The following SPHKAP variants were observed in gnomAD, a reference collection of about 807,000 sequenced individuals.
SPHKAP encodes A-kinase anchor protein SPHKAP.
SPHKAP carries 67 observed loss-of-function variants against 137.5 expected under a neutral mutation model. That is an observed-to-expected ratio of 0.49 (90% CI 0.40 to 0.60). SPHKAP has a LOEUF of 0.60. Ranked by LOEUF, SPHKAP falls within the 20% of genes least tolerant of loss-of-function variation. The pLI is 0.00. For missense variants in SPHKAP, 2,097 were observed against 2,069.3 expected (o/e 1.01, Z -0.26); for synonymous variants, 813 against 785.3 (o/e 1.04, Z -0.59).
intron 3 of SPHKAP, among the ~76,000 whole-genome samples, chr2:228,029,573 A>G (rs545580114): frequency 1.3e-5 from 2 of 152,298 alleles, no homozygotes; most frequent in East Asian, 1.9e-4. Context: ...CCACACTCCC[A>G]TTCAGAAGTT....
intron 3 of SPHKAP, among the ~76,000 whole-genome samples, chr2:228,052,819 T>C (rs1436002294): frequency 2.0e-5 from 3 of 152,190 alleles, no homozygotes; most frequent in South Asian, 4.1e-4. Flanking sequence ...TCCTTTGTTA[T>C]ACATTTATAT....
At chr2:228,134,847 T>A (rs1699383275) in intron 1 of SPHKAP, among the ~76,000 whole-genome samples, 1 of 152,150 alleles carries the variant, frequency 6.6e-6, no homozygotes, top group Admixed American at 6.5e-5. Context: ...ATCCCTGGAC[T>A]TATGCCCAGT....
intron 1 of SPHKAP, among the ~76,000 whole-genome samples, chr2:228,158,231 A>C (rs1349906155): frequency 1.3e-5 from 2 of 152,068 alleles, no homozygotes; most frequent in Non-Finnish European, 2.9e-5. Flanking sequence ...CACTATCTGC[A>C]TTCTTTACCC....
chr2:228,104,239 TTATATTA>T (rs1698264562), intron 3 of SPHKAP, among the ~76,000 whole-genome samples: 1 of 140,146 alleles, frequency 7.1e-6, no homozygotes, highest in Non-Finnish European at 1.5e-5. Context: ...TGTTATATCA[TTATATTA>T]TATATTATAT....
intron 3 of SPHKAP, among the ~76,000 whole-genome samples, chr2:228,057,670 T>C (rs1696494097): frequency 6.6e-6 from 1 of 152,026 alleles, no homozygotes; most frequent in African/African-American, 2.4e-5. Flanking sequence ...TGCCAAGGCT[T>C]TGTGGCAAGA....
intron 3 of SPHKAP, among the ~76,000 whole-genome samples, chr2:228,077,158 G>T (rs1017725152): frequency 6.6e-6 from 1 of 152,146 alleles, no homozygotes; most frequent in Non-Finnish European, 1.5e-5. Flanking sequence ...TCAGATGTAT[G>T]TTTGCTGTAG....
chr2:228,181,456 C>A lies in SPHKAP; in HGVS notation c.32+111G>T. ...AAGTGCAGTGACCCCTGTCTCCTCG[C>A]TGGGAGCCCCGTGCAAACCGAAGCG... On this transcript the variant is annotated intron_variant, in intron 1 of 11. Coordinates refer to ENST00000392056, the MANE Select transcript of SPHKAP (RefSeq NM_001142644.2). The surrounding 1 kb of genome is among the most constrained non-coding windows in gnomAD (Gnocchi z 4.3). The A allele has an allele frequency of 1.4e-6, 2 of 1,469,724 alleles. No individual in the cohort carries two copies. Among genetic ancestry groups the A allele is most frequent in the South Asian group, 2.3e-5 (2 of 88,118 alleles). The allele number at this position is 1,469,724 out of a possible 1,614,324, so 91.0% of individuals were successfully genotyped here. A position where few individuals can be genotyped will look rare whatever the true frequency, so the allele number is the denominator to read the frequency against.
intron 7 of SPHKAP, among the ~76,000 whole-genome samples, chr2:228,013,302 A>G (rs1423629623): frequency 1.3e-5 from 2 of 152,168 alleles, no homozygotes; most frequent in African/African-American, 2.4e-5. Context: ...CCCAGGCTGG[A>G]GTGCAGAGGC....
intron 3 of SPHKAP, among the ~76,000 whole-genome samples, chr2:228,092,335 G>A (rs1697799168): frequency 1.7e-5 from 2 of 115,320 alleles, no homozygotes; most frequent in African/African-American, 6.4e-5. Flanking sequence ...ACACACACAC[G>A]TGTATGTGTG....
intron 1 of SPHKAP, among the ~76,000 whole-genome samples, chr2:228,154,441 ATTAC>A (rs1461619366): frequency 1.5e-5 from 2 of 137,636 alleles, no homozygotes; most frequent in Non-Finnish European, 3.0e-5. Context: ...AATAGTCAAT[ATTAC>A]TTATTAAATT....
At chr2:228,040,504 T>A (rs1695793513) in intron 3 of SPHKAP, among the ~76,000 whole-genome samples, 1 of 152,232 alleles carries the variant, frequency 6.6e-6, no homozygotes, top group Non-Finnish European at 1.5e-5. Flanking sequence ...GTCATTGCTT[T>A]GAAGTGATTG....
At chr2:228,001,411 A>T (rs1693872090) in intron 7 of SPHKAP, among the ~76,000 whole-genome samples, 1 of 141,348 alleles carries the variant, frequency 7.1e-6, no homozygotes, top group Admixed American at 7.5e-5. Context: ...ATACATAAAT[A>T]TATATAAATA....
At chr2:228,045,491 C>G (rs4571050) in intron 3 of SPHKAP, among the ~76,000 whole-genome samples, 1 of 149,948 alleles carries the variant, frequency 6.7e-6, no homozygotes, top group Non-Finnish European at 1.5e-5. Flanking sequence ...AGCAAACTAT[C>G]GCAAGGACAA....
chr2:228,025,449 A>G lies in SPHKAP; in HGVS notation c.386T>C (p.Val129Ala), dbSNP rs1383420082. 18 of 1,613,818 alleles carry G rather than the reference A, an allele frequency of 1.1e-5. No individual in the cohort carries two copies. The highest frequency in any genetic ancestry group is 1.5e-5 in the Non-Finnish European group (18 of 1,179,932). The stretch of plus-strand genomic sequence containing the variant: ...TCCAGAGGCTAACCCACTTAGGACA[A>G]CAATTTCATTTTCTTTTGGTTGTTG... ...NVQQPKENEI[V>A]VLSGLASGNL... The change falls in exon 5 of 12, where the codon GTT (valine) becomes GCT (alanine). Residue 129 changes from valine to alanine, a missense_variant. Transcript: ENST00000392056.
At chr2:228,158,487 C>A (rs915001229) in intron 1 of SPHKAP, among the ~76,000 whole-genome samples, 1 of 151,990 alleles carries the variant, frequency 6.6e-6, no homozygotes, top group Non-Finnish European at 1.5e-5. Flanking sequence ...TATGAAAGGT[C>A]AAAGTCTGAG....
chr2:228,058,232 A>AT (rs1247825984), intron 3 of SPHKAP, among the ~76,000 whole-genome samples: 1 of 152,032 alleles, frequency 6.6e-6, no homozygotes, highest in Non-Finnish European at 1.5e-5. Context: ...TCAAGCTTCC[A>AT]TTTTTTTGGC....
chr2:228,161,647 C>T (rs1022216629), intron 1 of SPHKAP, among the ~76,000 whole-genome samples: 2 of 151,872 alleles, frequency 1.3e-5, no homozygotes, highest in Non-Finnish European at 2.9e-5. Context: ...CCATGGCACA[C>T]GTTTACCTAT....
At chr2:228,043,581 C>T (rs1207672162) in intron 3 of SPHKAP, among the ~76,000 whole-genome samples, 1 of 152,186 alleles carries the variant, frequency 6.6e-6, no homozygotes, top group Admixed American at 6.5e-5. Context: ...CCCATCTTGG[C>T]CTCCCAAAGT....
chr2:228,001,311 A>C (rs1338953224), intron 7 of SPHKAP, among the ~76,000 whole-genome samples: 3 of 144,678 alleles, frequency 2.1e-5, no homozygotes, highest in African/African-American at 7.5e-5. Flanking sequence ...ATATATCTAT[A>C]CATATATAAA....
Sources: allele counts gnomAD v4.1 joint callset (sites outside exome capture counted in the v4.1 genomes callset), GRCh38; gene constraint gnomAD v4.1.1; non-coding constraint Gnocchi (gnomAD v3.1); transcripts MANE v1.5; gene names NCBI Gene and HGNC (gene_info 2026-07-23, HGNC 2026-07-21).